ATP8B3: variants seen among roughly 807,000 people sequenced by gnomAD.
The protein encoded by ATP8B3 is ATPase phospholipid transporting 8B3.
Under a neutral mutation model 140.9 loss-of-function variants are expected in ATP8B3, and 141 were observed. That is an observed-to-expected ratio of 1.00 (90% CI 0.87 to 1.15). The LOEUF (loss-of-function observed/expected upper bound fraction) is 1.15, where lower values mean the gene tolerates loss of function less well. Ranked by LOEUF, ATP8B3 falls within the 50% of genes most tolerant of loss-of-function variation. ATP8B3 has a pLI of 0.00. For missense variants in ATP8B3, 1,874 were observed against 1,740.6 expected (o/e 1.08, Z -1.36); for synonymous variants, 765 against 714.6 (o/e 1.07, Z -1.13).
Position 1,783,003 on chromosome 19 carries a change from C to T in ATP8B3, c.*25G>A, listed in dbSNP as rs1246288873. ...CCCTGTGGCTGGTGCTTCTTCTTCC[C>T]CAGGAAGGACATCTTCCTGAGGTGT... On this transcript the variant is annotated 3_prime_UTR_variant, in exon 29 of 29. Coordinates refer to ENST00000310127, the MANE Select transcript of ATP8B3 (RefSeq NM_138813.4). The T allele has an allele frequency of 8.8e-6, 14 of 1,582,004 alleles. No homozygotes were observed. The highest frequency in any genetic ancestry group is 7.3e-5 in the Admixed American group (4 of 55,058).
rs774762781 is a variant in ATP8B3 at position 1,810,607 on chromosome 19, G to A, written c.310+15C>T. On this transcript the variant is annotated intron_variant, in intron 3 of 28. Coordinates refer to ENST00000310127, the MANE Select transcript of ATP8B3 (RefSeq NM_138813.4). ...CCCTCCCACCTGCACCGCCCCCTCTGCCCAGGATCAGCACCTGAGTTCCTG... is the reference window on the plus strand; with the variant it reads ...CCCTCCCACCTGCACCGCCCCCTCTACCCAGGATCAGCACCTGAGTTCCTG... The A allele has an allele frequency of 9.9e-6, 16 of 1,611,002 alleles. No homozygotes were observed. The highest frequency in any genetic ancestry group is 6.7e-5 in the African/African-American group (5 of 74,724).
chr19:1,808,242 GGAA>G lies in ATP8B3; in HGVS notation c.493_495del (p.Phe165del). On this transcript the variant is annotated inframe_deletion, in exon 5 of 29. Transcript: ENST00000310127. ...CTCACCTGCAGGATGATGATGATGAGGAAGAACAGGTTGGACACGCGGTGGAAC... is the reference window on the plus strand; with the variant it reads ...CTCACCTGCAGGATGATGATGATGAGGAACAGGTTGGACACGCGGTGGAAC... 1 of 1,611,908 alleles carries G rather than the reference GGAA, an allele frequency of 6.2e-7. No individual in the cohort carries two copies. The highest frequency in any genetic ancestry group is 8.5e-7 in the Non-Finnish European group (1 of 1,178,776).
At position 1,789,629 on chromosome 19, in the gene ATP8B3, A is replaced by T. The variant is rs747006976; in HGVS notation, c.2577T>A (p.Asp859Glu). ...AWQELGQSRR[D>E]FLYARRLSLL... Reference sequence around the variant, plus strand: ...GGGACAGGCGCCTGGCGTAGAGGAAATCCCTCCTGGACTGGCCGAGCTCCT... The same window carrying T: ...GGGACAGGCGCCTGGCGTAGAGGAATTCCCTCCTGGACTGGCCGAGCTCCT... The change falls in exon 23 of 29, where the codon GAT becomes GAA. Residue 859 changes from aspartate to glutamate, a missense_variant. Asp to Glu is a conservative substitution (Grantham distance 45). This residue lies in a region of ATP8B3 where 840 missense variants were observed against 760.9 expected (regional missense o/e 1.10). Coordinates refer to ENST00000310127, the MANE Select transcript of ATP8B3 (RefSeq NM_138813.4). 4 of 1,594,842 alleles carry T rather than the reference A, an allele frequency of 2.5e-6. No homozygotes were observed. In the African/African-American group the frequency reaches 5.4e-5, roughly 21 times the overall value.
chr19:1,784,802 G>A lies in ATP8B3; in HGVS notation c.3660+17C>T. On this transcript the variant is annotated intron_variant, in intron 28 of 28. Coordinates refer to ENST00000310127, the MANE Select transcript of ATP8B3 (RefSeq NM_138813.4). ...GGAATGTACCAGATGAGGACCCCAG[G>A]CCCAGGCCCACCTCACCTTGGCACG... The A allele has an allele frequency of 6.3e-7, 1 of 1,584,972 alleles. No individual in the cohort carries two copies. The highest frequency in any genetic ancestry group is 8.6e-7 in the Non-Finnish European group (1 of 1,166,330).
chr19:1,783,182 G>A lies in ATP8B3; in HGVS notation c.3749C>T (p.Ser1250Phe), dbSNP rs771128687. ...HVHRESRARR[S>F]SYAFSHREGY... The stretch of plus-strand genomic sequence containing the variant: ...CTCACGGTGGGAGAAAGCATAGCTG[G>A]AACGGCGGGCACGAGACTCCCGGTG... The change falls in exon 29 of 29, where the codon TCC (serine) becomes TTC (phenylalanine). Residue 1250 changes from serine to phenylalanine, a missense_variant. This residue lies in a region of ATP8B3 where 840 missense variants were observed against 760.9 expected (regional missense o/e 1.10). Transcript: ENST00000310127. 3 of 1,613,286 alleles carry A rather than the reference G, an allele frequency of 1.9e-6. No individual in the cohort carries two copies. The African/African-American group carries it at 4.0e-5, about 22-fold the overall frequency.
At chr19:1,790,047 C>T (rs1307776212) in intron 21 of ATP8B3, 58 bp from the exon 22 acceptor site, 6 of 1,369,596 alleles carry the variant, frequency 4.4e-6, no homozygotes, top group African/African-American at 2.9e-5. Context: ...CCCACTTCCC[C>T]GGGGGCTCCA....
rs775495020 is a variant in ATP8B3 at position 1,785,247 on chromosome 19, G to C, written c.3444C>G (p.Leu1148=). The change falls in exon 27 of 29, where the codon CTC becomes CTG. Residue 1148 remains leucine, a synonymous_variant. Coordinates refer to ENST00000310127, the MANE Select transcript of ATP8B3 (RefSeq NM_138813.4). ...YWTALCVATI[L]LSLGFYAIMT... is the part of the protein sequence containing the mutation. ...TGATGGCGTAGAAACCAAGGCTGAG[G>C]AGGATGGTCGCCACGCACAGGGCGG... 1.9e-6 allele frequency: 3 copies of C among 1,609,820 alleles called. No individual in the cohort carries two copies. In the Admixed American group the frequency reaches 5.1e-5, roughly 27 times the overall value.
At chr19:1,798,633 GA>G (rs2068752245) in intron 14 of ATP8B3, 1 of 151,828 alleles carries the variant, frequency 6.6e-6, no homozygotes, top group Admixed American at 6.6e-5. Context: ...AGCTACTTGG[GA>G]GGCTGAGGCA....
At chr19:1,796,926 G>C (rs748744726) in intron 15 of ATP8B3, 47 bp from the exon 16 acceptor site, 2 of 1,611,728 alleles carry the variant, frequency 1.2e-6, no homozygotes, top group East Asian at 4.5e-5. Flanking sequence ...GCCGCTCCCC[G>C]TGCCCCGTCC....
At chr19:1,792,695 T>C (rs1036320145) in intron 18 of ATP8B3, among the ~76,000 whole-genome samples, 1 of 151,782 alleles carries the variant, frequency 6.6e-6, no homozygotes, top group Non-Finnish European at 1.5e-5. Context: ...GCGGATCACT[T>C]GAGGCCAGGA....
chr19:1,783,261 C>T lies in ATP8B3; in HGVS notation c.3670G>A (p.Val1224Met). Residue 1224 changes from valine to methionine, a missense_variant, in exon 29 of 29, where the codon GTG (valine) becomes ATG (methionine). Around this residue, in one of 3 missense-constraint regions of ATP8B3, gnomAD observed 840 missense variants for 760.9 expected, o/e 1.10. Transcript: ENST00000310127. ...ATCTCCTCGCTGGGGCCCTCCTCCA[C>T]CTTCTCCTCCTGAAGAGCAAAGGGG... ...LKELRAKEEKVEEGPSEEIFT... is the reference protein window; with the variant it reads ...LKELRAKEEKMEEGPSEEIFT... The T allele has an allele frequency of 6.2e-7, 1 of 1,608,346 alleles. No homozygotes were observed. The highest frequency in any genetic ancestry group is 8.5e-7 in the Non-Finnish European group (1 of 1,177,418).
At position 1,789,557 on chromosome 19, in the gene ATP8B3, C is replaced by T. The variant is rs12978609; in HGVS notation, c.2649G>A (p.Gln883=). The change falls in exon 23 of 29, where the codon CAG becomes CAA. Residue 883 remains glutamine, a synonymous_variant. Coordinates refer to ENST00000310127, the MANE Select transcript of ATP8B3 (RefSeq NM_138813.4). ...FGLPLAAPPA[Q]DSRARRSSEV... ...CGGAGCTACGGCGGGCTCTGGAGTC[C>T]TGGGCTGGCGGTGCAGCCAGCGGGA... 0.27 allele frequency: 437,993 copies of T among 1,593,322 alleles called. 61,903 individuals are homozygous for T. The highest frequency in any genetic ancestry group is 0.47 in the East Asian group (20,736 of 44,350).
chr19:1,787,201 A>T lies in ATP8B3; in HGVS notation c.3070-15T>A. The T allele has an allele frequency of 6.3e-7, 1 of 1,597,354 alleles. No individual in the cohort carries two copies. The highest frequency in any genetic ancestry group is 8.5e-7 in the Non-Finnish European group (1 of 1,169,734). ...TCATACAGGGGCTGAGCCGGGGGAG[A>T]AGGGCAAGGAGAACAAGTCAGCCTC... On this transcript the variant is annotated splice_polypyrimidine_tract_variant and intron_variant, in intron 24 of 28. Coordinates refer to ENST00000310127, the MANE Select transcript of ATP8B3 (RefSeq NM_138813.4).
intron 2 of ATP8B3, 142 bp downstream of exon 2, chr19:1,811,347 G>A: frequency 3.3e-6 from 4 of 1,197,728 alleles, no homozygotes; most frequent in Non-Finnish European, 4.5e-6. Flanking sequence ...TGCACCGGGG[G>A]CCCTGGTTTG....
At chr19:1,797,134 T>C in intron 14 of ATP8B3, 129 bp from the exon 15 acceptor site, 1 of 1,402,950 alleles carries the variant, frequency 7.1e-7, no homozygotes, top group Non-Finnish European at 9.8e-7. Flanking sequence ...CCTGTGGCCC[T>C]GGAACCGACA....
At position 1,782,379 on chromosome 19, in the gene ATP8B3, G is replaced by A. The variant is rs1464437580; in HGVS notation, c.*649C>T. The A allele has an allele frequency of 1.6e-5, 4 of 244,336 alleles. No individual in the cohort carries two copies. The allele number at this position is 244,336 out of a possible 1,614,324, so 15.1% of individuals were successfully genotyped here. On this transcript the variant is annotated 3_prime_UTR_variant, in exon 29 of 29. Coordinates refer to ENST00000310127, the MANE Select transcript of ATP8B3 (RefSeq NM_138813.4). ...AGCTGCTCCTCCCCGGGCACCAGCA[G>A]CCACTCCATGGATGATGATGACTGC...
intron 18 of ATP8B3, 90 bp from the exon 19 acceptor site, chr19:1,792,225 T>C: frequency 7.1e-7 from 1 of 1,402,744 alleles, no homozygotes; most frequent in African/African-American, 1.4e-5. Flanking sequence ...CTCCGGAGCC[T>C]GGGTCCCCCA....
At chr19:1,809,583 T>A in intron 4 of ATP8B3, 60 bp downstream of exon 4, 1 of 1,453,678 alleles carries the variant, frequency 6.9e-7, no homozygotes, top group Non-Finnish European at 9.4e-7. Context: ...AAAAAATAGA[T>A]TCCCCGAGGG....
Position 1,811,473 on chromosome 19 carries a change from A to G in ATP8B3, c.248+16T>C, listed in dbSNP as rs2069186103. On this transcript the variant is annotated intron_variant, in intron 2 of 28. Transcript: ENST00000310127. ...CCTGCCCCTGTGTTCCGGCCACCCG[A>G]TGCACCCGTCCTCACCCTTCTGGTC... The G allele has an allele frequency of 6.2e-7, 1 of 1,606,524 alleles. No individual in the cohort carries two copies. Among genetic ancestry groups the G allele is most frequent in the African/African-American group, 1.3e-5 (1 of 74,678 alleles).
Sources: gnomAD v4.1 joint callset for allele counts (sites outside exome capture counted in the v4.1 genomes callset) on GRCh38, gnomAD v4.1.1 for gene constraint, gnomAD v4.1.1 regional missense constraint, MANE v1.5 for transcripts, NCBI Gene and HGNC (gene_info 2026-07-23, HGNC 2026-07-21) for gene names.